Variants in GALNT13 observed in about 807,000 individuals in gnomAD.
GALNT13 encodes the protein polypeptide N-acetylgalactosaminyltransferase 13.
In GALNT13, 28 loss-of-function variants were observed where a neutral mutation model predicts 64.2. The observed-to-expected ratio is 0.44, with a 90% CI of 0.32 to 0.60. The LOEUF (loss-of-function observed/expected upper bound fraction) is 0.60, where lower values mean the gene tolerates loss of function less well. GALNT13 is among the 20% of genes least tolerant of loss of function. The pLI is 0.05. For synonymous variants in GALNT13, 214 were observed against 224.6 expected, an observed-to-expected ratio of 0.95 and a Z score of 0.42; for missense variants, 577 against 669.8, an observed-to-expected ratio of 0.86 and a Z score of 1.53.
At chr2:153,961,412 A>G (rs1370331609) in intron 3 of GALNT13, among the ~76,000 whole-genome samples, 1 of 152,200 alleles carries the variant, frequency 6.6e-6, no homozygotes, top group Non-Finnish European at 1.5e-5. Context: ...ATACTTAATA[A>G]GTTATTACAG....
At chr2:153,783,062 G>A in the GALNT13 span, among the ~76,000 whole-genome samples, 1 of 152,094 alleles carries the variant, frequency 6.6e-6, no homozygotes, top group African/African-American at 2.4e-5. Flanking sequence ...GGATGGTTTG[G>A]GCTTAGTGTA....
chr2:153,086,002 T>C, the GALNT13 span, among the ~76,000 whole-genome samples: 1 of 152,226 alleles, frequency 6.6e-6, no homozygotes, highest in Non-Finnish European at 1.5e-5. Context: ...ATGTGAGACA[T>C]GGAGTCAAAG....
chr2:153,602,063 G>A, the GALNT13 span, among the ~76,000 whole-genome samples: 1 of 151,730 alleles, frequency 6.6e-6, no homozygotes, highest in African/African-American at 2.4e-5. Context: ...CATAAATAGA[G>A]CAAAAATAGG....
Position 154,250,921 on chromosome 2 carries a change from T to C in GALNT13, c.857+4939T>C, listed in dbSNP as rs150153935. Among the ~76,000 whole-genome samples the C allele has an allele frequency of 1.4e-3, 216 of 152,150 alleles. 1 individual carries two copies. Among genetic ancestry groups the C allele is most frequent in the African/African-American group, 5.1e-3 (211 of 41,568 alleles). On this transcript the variant is annotated intron_variant, in intron 7 of 12. Coordinates refer to ENST00000392825, the MANE Select transcript of GALNT13 (RefSeq NM_052917.4). ...TGAGCAGAACAAAGACTGAAAGAAA[T>C]AACTAACTTTGGAATGCTCAACTAG...
chr2:154,403,563 A>G (rs949213441), intron 10 of GALNT13, among the ~76,000 whole-genome samples: 3 of 152,054 alleles, frequency 2.0e-5, no homozygotes, highest in Non-Finnish European at 4.4e-5. Context: ...TGATTTCCTG[A>G]CACTCTGTCC....
chr2:153,651,750 G>C, the GALNT13 span, among the ~76,000 whole-genome samples: 1 of 152,144 alleles, frequency 6.6e-6, no homozygotes, highest in South Asian at 2.1e-4. Flanking sequence ...TGTTAGGAAT[G>C]TAGAATCCTG....
At chr2:154,408,374 A>G (rs1006331077) in intron 10 of GALNT13, among the ~76,000 whole-genome samples, 1 of 152,060 alleles carries the variant, frequency 6.6e-6, no homozygotes, top group Non-Finnish European at 1.5e-5. Context: ...GTAATGTGAA[A>G]TCACTGTTTA....
chr2:153,311,225 C>A, the GALNT13 span, among the ~76,000 whole-genome samples: 4 of 152,168 alleles, frequency 2.6e-5, no homozygotes, highest in Non-Finnish European at 5.9e-5. Context: ...TAAATAGGAA[C>A]AATTTATGTT....
the GALNT13 span, among the ~76,000 whole-genome samples, chr2:153,563,969 A>G: frequency 1.3e-5 from 2 of 152,108 alleles, no homozygotes; most frequent in African/African-American, 4.8e-5. Flanking sequence ...TGAGGATTTC[A>G]AAATGAGAGT....
intron 8 of GALNT13, among the ~76,000 whole-genome samples, chr2:154,291,504 A>C (rs1692629493): frequency 6.6e-6 from 1 of 152,002 alleles, no homozygotes; most frequent in African/African-American, 2.4e-5. Context: ...TCGCTGGGGG[A>C]CTTTGCGGCA....
chr2:153,766,870 T>C, the GALNT13 span, among the ~76,000 whole-genome samples: 1 of 152,222 alleles, frequency 6.6e-6, no homozygotes, highest in African/African-American at 2.4e-5. Flanking sequence ...TAGAACTCCA[T>C]TTCTTTAGGG....
At chr2:153,790,234 A>G in the GALNT13 span, among the ~76,000 whole-genome samples, 1 of 152,174 alleles carries the variant, frequency 6.6e-6, no homozygotes, top group African/African-American at 2.4e-5. Flanking sequence ...CTAATCCACC[A>G]CAATCAATTA....
chr2:153,509,298 C>T, the GALNT13 span, among the ~76,000 whole-genome samples: 2 of 152,176 alleles, frequency 1.3e-5, no homozygotes, highest in Admixed American at 1.3e-4. Context: ...GGGCTCCCGC[C>T]CTGCCAACTG....
intron 12 of GALNT13, among the ~76,000 whole-genome samples, chr2:154,439,824 G>A (rs191295757): frequency 1.3e-5 from 2 of 152,224 alleles, no homozygotes; most frequent in Non-Finnish European, 2.9e-5. Context: ...CAGGATCTTA[G>A]GACACAAAAT....
chr2:153,702,119 G>A, the GALNT13 span, among the ~76,000 whole-genome samples: 2 of 152,204 alleles, frequency 1.3e-5, no homozygotes, highest in South Asian at 2.1e-4. Flanking sequence ...AGAAAATATG[G>A]TACATATACA....
At chr2:153,173,138 GCTAAATAGA>G in the GALNT13 span, 1 of 151,738 alleles carries the variant, frequency 6.6e-6, no homozygotes, top group Non-Finnish European at 1.5e-5. Flanking sequence ...CAGCAATTGG[GCTAAATAGA>G]CTACTTAGAC....
chr2:153,200,655 A>G, the GALNT13 span, among the ~76,000 whole-genome samples: 2 of 152,256 alleles, frequency 1.3e-5, no homozygotes, highest in Non-Finnish European at 2.9e-5. Context: ...AATGAATTAA[A>G]AAACTCAATA....
the GALNT13 span, among the ~76,000 whole-genome samples, chr2:153,247,004 T>G: frequency 2.0e-5 from 3 of 152,128 alleles, no homozygotes; most frequent in African/African-American, 7.2e-5. Flanking sequence ...AATCCTAGTC[T>G]CTGATAAAAC....
chr2:154,199,096 G>T (rs1391320430), intron 4 of GALNT13, among the ~76,000 whole-genome samples: 1 of 151,814 alleles, frequency 6.6e-6, no homozygotes, highest in African/African-American at 2.4e-5. Context: ...TCAGGAAATT[G>T]TGGCTTTTAA....
Sources: allele counts gnomAD v4.1 joint callset (sites outside exome capture counted in the v4.1 genomes callset), GRCh38; gene constraint gnomAD v4.1.1; transcripts MANE v1.5; gene names NCBI Gene and HGNC (gene_info 2026-07-23, HGNC 2026-07-21).